The following ARHGEF40 variants were observed in gnomAD, a reference collection of about 807,000 sequenced individuals.
The protein encoded by ARHGEF40 is Rho guanine nucleotide exchange factor (GEF) 40.
Under a neutral mutation model 165.9 loss-of-function variants are expected in ARHGEF40, and 98 were observed. The ratio of observed to expected loss-of-function variants is 0.59; its 90% confidence interval spans 0.50 to 0.70. The LOEUF (loss-of-function observed/expected upper bound fraction) is 0.70, where lower values mean the gene tolerates loss of function less well. Ranked by LOEUF, ARHGEF40 falls within the 30% of genes least tolerant of loss-of-function variation. The pLI is 0.00. For synonymous variants in ARHGEF40, 792 were observed against 814.3 expected, an observed-to-expected ratio of 0.97 and a Z score of 0.47; for missense variants, 1,815 against 1,968.0, an observed-to-expected ratio of 0.92 and a Z score of 1.47.
In ARHGEF40 at chr14:21,089,686, G is replaced by A. The variant is rs1195336329; in HGVS notation, c.*678G>A. The stretch of plus-strand genomic sequence containing the variant: ...CCCCTCTACCCCTCCCAGGCCCAGA[G>A]CTAGCTGACTGTGTATGAGCCTGGG... On this transcript the variant is annotated 3_prime_UTR_variant, in exon 24 of 24. Transcript: ENST00000298694. 1 of 152,262 alleles carries A rather than the reference G, an allele frequency of 6.6e-6. No individual in the cohort carries two copies. The highest frequency in any genetic ancestry group is 1.5e-5 in the Non-Finnish European group (1 of 68,080). The allele number at this position is 152,262 out of a possible 1,614,324, so 9.4% of individuals were successfully genotyped here.
chr14:21,084,064 T>C lies in ARHGEF40; in HGVS notation c.3789+14T>C. ...CGTGGCTGTGAGGTGAGGCCCTAGCTCCAGTCACTGCTGCTCAAACTGCCC... is the reference window on the plus strand; with the variant it reads ...CGTGGCTGTGAGGTGAGGCCCTAGCCCCAGTCACTGCTGCTCAAACTGCCC... On this transcript the variant is annotated intron_variant, in intron 17 of 23. Coordinates refer to ENST00000298694, the MANE Select transcript of ARHGEF40 (RefSeq NM_018071.5). The C allele has an allele frequency of 6.3e-7, 1 of 1,590,424 alleles. No individual in the cohort carries two copies. The highest frequency in any genetic ancestry group is 8.6e-7 in the Non-Finnish European group (1 of 1,168,854).
In ARHGEF40 at chr14:21,089,203, C is replaced by T; in HGVS notation, c.*195C>T. 3.5e-6 allele frequency: 1 copy of T among 286,812 alleles called. No individual in the cohort carries two copies. Among genetic ancestry groups the T allele is most frequent in the Non-Finnish European group, 6.5e-6 (1 of 153,128 alleles). 17.8% of individuals were successfully genotyped at this position (286,812 alleles called of 1,614,324 possible). The stretch of plus-strand genomic sequence containing the variant: ...AGTCTCCCTAGCTTGGTGCCTTCTC[C>T]TGCAGGAGTCAGAGCAGCCACATTG... On this transcript the variant is annotated 3_prime_UTR_variant, in exon 24 of 24. Coordinates refer to ENST00000298694, the MANE Select transcript of ARHGEF40 (RefSeq NM_018071.5).
rs576740656 is a variant in ARHGEF40, at chr14:21,085,949, G to A, written c.4138+83G>A. Reference sequence around the variant, plus strand: ...TCTGGAGAGTGTGCGAACTGCTTGGGAAAACAGTTTATAGGATGAAGAAAG... The same window carrying A: ...TCTGGAGAGTGTGCGAACTGCTTGGAAAAACAGTTTATAGGATGAAGAAAG... On this transcript the variant is annotated intron_variant, in intron 19 of 23. Transcript: ENST00000298694. 3 of 1,461,348 alleles carry A rather than the reference G, an allele frequency of 2.1e-6. No homozygotes were observed. In the African/African-American group the frequency reaches 4.2e-5, roughly 20 times the overall value. 90.5% of individuals were successfully genotyped at this position (1,461,348 alleles called of 1,614,324 possible).
Position 21,089,156 on chromosome 14 carries a change from T to C in ARHGEF40, c.*148T>C. The C allele has an allele frequency of 2.4e-6, 1 of 408,966 alleles. No homozygotes were observed. The highest frequency in any genetic ancestry group is 4.4e-6 in the Non-Finnish European group (1 of 228,062). 25.3% of individuals were successfully genotyped at this position (408,966 alleles called of 1,614,324 possible). A position where few individuals can be genotyped will look rare whatever the true frequency, so the allele number is the denominator to read the frequency against. ...CAGAGGAGGTCTAACGACCAGAGTA[T>C]TGCCCTGCCACCACTATCTCTAGTC... On this transcript the variant is annotated 3_prime_UTR_variant, in exon 24 of 24. Coordinates refer to ENST00000298694, the MANE Select transcript of ARHGEF40 (RefSeq NM_018071.5).
upstream of ARHGEF40, among the ~76,000 whole-genome samples, chr14:21,066,048 C>T (rs556081947): frequency 6.6e-6 from 1 of 152,082 alleles, no homozygotes; most frequent in East Asian, 1.9e-4. Flanking sequence ...GCAGTGAGTC[C>T]AGATTGCAAC....
At position 21,087,310 on chromosome 14, in the gene ARHGEF40, C is replaced by A. The variant is rs752673453; in HGVS notation, c.4244-10C>A. 4.4e-6 allele frequency: 7 copies of A among 1,604,054 alleles called. No homozygotes were observed. In the South Asian group the frequency reaches 6.6e-5, roughly 15 times the overall value. On this transcript the variant is annotated splice_polypyrimidine_tract_variant and intron_variant, in intron 20 of 23. Coordinates refer to ENST00000298694, the MANE Select transcript of ARHGEF40 (RefSeq NM_018071.5). The stretch of plus-strand genomic sequence containing the variant: ...CCAGCACCCCACCCCCCACTCCCCA[C>A]TCTCTGCAGCCGCCCGCACCCGGGC...
At position 21,075,834 on chromosome 14, in the gene ARHGEF40, T is replaced by C. The variant is rs181747941; in HGVS notation, c.1739+69T>C. 1.5e-4 allele frequency: 228 copies of C among 1,561,178 alleles called. No individual in the cohort carries two copies. The African/African-American group carries it at 2.6e-3, about 18-fold the overall frequency. On this transcript the variant is annotated intron_variant, in intron 5 of 23. Coordinates refer to ENST00000298694, the MANE Select transcript of ARHGEF40 (RefSeq NM_018071.5). This position sits in a 1 kb window ranked among gnomAD's most constrained non-coding sequence, Gnocchi z 4.5. ...ATTCATGAGGACCCTCACCTCCTTCTTCTCAGGACACTGACCTTCTGACCT... is the reference window on the plus strand; with the variant it reads ...ATTCATGAGGACCCTCACCTCCTTCCTCTCAGGACACTGACCTTCTGACCT...
rs199805889 is a variant in ARHGEF40 at position 21,083,964 on chromosome 14, G to T, written c.3703G>T (p.Ala1235Ser). 5 of 1,613,830 alleles carry T rather than the reference G, an allele frequency of 3.1e-6. No individual in the cohort carries two copies. The highest frequency in any genetic ancestry group is 3.3e-5 in the Admixed American group (2 of 60,008). The part of the protein sequence containing the change: ...AGPELSSECR[A>S]LGAAVQLLRE... ...GCCTGAGCTCAGTTCTGAGTGCCGG[G>T]CCCTTGGGGCTGCTGTACAGCTGCT... The change falls in exon 17 of 24, where the codon GCC becomes TCC. Residue 1235 changes from alanine to serine, a missense_variant. Ala to Ser is a moderately conservative substitution (Grantham distance 99). Coordinates refer to ENST00000298694, the MANE Select transcript of ARHGEF40 (RefSeq NM_018071.5).
At position 21,076,652 on chromosome 14, in the gene ARHGEF40, C is replaced by G. The variant is rs750712739; in HGVS notation, c.1917+9C>G. 3.1e-6 allele frequency: 5 copies of G among 1,612,286 alleles called. No individual in the cohort carries two copies. In the Admixed American group the frequency reaches 8.4e-5, roughly 27 times the overall value. On this transcript the variant is annotated intron_variant, in intron 7 of 23. Transcript: ENST00000298694. ...AACTCTGTGGATTTCAGGTTTGAGCCCTTCATTCCCATCTAGTTTCCCATC... is the reference window on the plus strand; with the variant it reads ...AACTCTGTGGATTTCAGGTTTGAGCGCTTCATTCCCATCTAGTTTCCCATC...
chr14:21,070,934 G>A lies in ARHGEF40; in HGVS notation c.3+535G>A. ...AGCTGTGGCTGGGCCGGGTCCCGGGGCATGGCCAAAGAGGGAAATTCCCGC... is the reference window on the plus strand; with the variant it reads ...AGCTGTGGCTGGGCCGGGTCCCGGGACATGGCCAAAGAGGGAAATTCCCGC... On this transcript the variant is annotated intron_variant, in intron 1 of 23. Transcript: ENST00000298694. The surrounding 1 kb of genome is among the most constrained non-coding windows in gnomAD (Gnocchi z 4.7). 2 of 1,408,430 alleles carry A rather than the reference G, an allele frequency of 1.4e-6. No individual in the cohort carries two copies. The highest frequency in any genetic ancestry group is 1.9e-6 in the Non-Finnish European group (2 of 1,033,120). The allele number at this position is 1,408,430 out of a possible 1,614,324, so 87.2% of individuals were successfully genotyped here. A position where few individuals can be genotyped will look rare whatever the true frequency, so the allele number is the denominator to read the frequency against.
rs1341244681 is a variant in ARHGEF40, at chr14:21,078,460, A to G, written c.2218A>G (p.Met740Val). ...GCAGAGGGATGGGGGGGCCATCCTG[A>G]TGAGGCTGCGCTCCACTCCCAGCAG... ...ALQRDGGAIL[M>V]RLRSTPSSKL... The change falls in exon 10 of 24, where the codon ATG becomes GTG. Residue 740 changes from methionine (M) to valine (V), a missense_variant. Physicochemically the swap from Met to Val is conservative, Grantham distance 21 (BLOSUM62 1). Coordinates refer to ENST00000298694, the MANE Select transcript of ARHGEF40 (RefSeq NM_018071.5). 2.5e-6 allele frequency: 4 copies of G among 1,606,696 alleles called. No homozygotes were observed. Among genetic ancestry groups the G allele is most frequent in the East Asian group, 2.2e-5 (1 of 44,798 alleles).
intron 10 of ARHGEF40, among the ~76,000 whole-genome samples, 156 bp from the exon 11 acceptor site, chr14:21,078,728 A>G (rs1887634433): frequency 6.6e-6 from 1 of 152,230 alleles, no homozygotes; most frequent in Non-Finnish European, 1.5e-5. Context: ...GTCAGTAAAG[A>G]GTCAGGATTC....
In ARHGEF40 at chr14:21,078,308, T is replaced by A. The variant is rs763320142; in HGVS notation, c.2130+36T>A. The A allele has an allele frequency of 2.5e-6, 4 of 1,607,296 alleles. No individual in the cohort carries two copies. In the South Asian group the frequency reaches 4.4e-5, roughly 18 times the overall value. ...AGATGGGACAGTGGGGGGATGGGATTGGGATGGGGCTGGGGTGGAGACTCT... is the reference window on the plus strand; with the variant it reads ...AGATGGGACAGTGGGGGGATGGGATAGGGATGGGGCTGGGGTGGAGACTCT... On this transcript the variant is annotated intron_variant, in intron 9 of 23. Coordinates refer to ENST00000298694, the MANE Select transcript of ARHGEF40 (RefSeq NM_018071.5).
chr14:21,062,940 C>G, the ARHGEF40 span, among the ~76,000 whole-genome samples: 1 of 140,180 alleles, frequency 7.1e-6, no homozygotes, highest in Middle Eastern at 3.6e-3. Context: ...ATAGTGAGAC[C>G]TTGTCTCTAA....
intron 20 of ARHGEF40, 28 bp from the exon 21 acceptor site, chr14:21,087,292 C>G: frequency 6.3e-7 from 1 of 1,598,500 alleles, no homozygotes. Context: ...ACACCAGCAC[C>G]CCACCCCCCA....
chr14:21,070,640 C>G lies in ARHGEF40; in HGVS notation c.3+241C>G, dbSNP rs1886686825. Among the ~76,000 whole-genome samples the G allele has an allele frequency of 2.0e-5, 3 of 152,088 alleles. No homozygotes were observed. Among genetic ancestry groups the G allele is most frequent in the African/African-American group, 7.2e-5 (3 of 41,422 alleles). On this transcript the variant is annotated intron_variant, in intron 1 of 23. Coordinates refer to ENST00000298694, the MANE Select transcript of ARHGEF40 (RefSeq NM_018071.5). This position sits in a 1 kb window ranked among gnomAD's most constrained non-coding sequence, Gnocchi z 4.7. Reference sequence around the variant, plus strand: ...TCTCCTCCGCCTCCTCCCCCATCCTCCCTTGGGTCTCTCCCCTAATCCACA... The same window carrying G: ...TCTCCTCCGCCTCCTCCCCCATCCTGCCTTGGGTCTCTCCCCTAATCCACA...
upstream of ARHGEF40, among the ~76,000 whole-genome samples, chr14:21,068,615 CA>C (rs774001798): frequency 9.2e-5 from 14 of 152,032 alleles, no homozygotes; most frequent in Non-Finnish European, 1.9e-4. Context: ...GAATGGACAC[CA>C]GGGGGTAGCA....
rs529035503 is a variant in ARHGEF40 at position 21,082,817 on chromosome 14, C to G, written c.3487-14C>G. ...CCTCACCGGGGACTCCTTATCTGTT[C>G]TTTACTGGCACAGGGGGACCAGTTC... On this transcript the variant is annotated splice_polypyrimidine_tract_variant and intron_variant, in intron 15 of 23. Transcript: ENST00000298694. 3.7e-6 allele frequency: 6 copies of G among 1,613,614 alleles called. No homozygotes were observed. The highest frequency in any genetic ancestry group is 5.1e-6 in the Non-Finnish European group (6 of 1,179,752).
Position 21,070,775 on chromosome 14 carries a change from G to T in ARHGEF40, c.3+376G>T. 6.5e-7 allele frequency: 1 copy of T among 1,528,718 alleles called. No individual in the cohort carries two copies. The highest frequency in any genetic ancestry group is 8.8e-7 in the Non-Finnish European group (1 of 1,141,082). The allele number at this position is 1,528,718 out of a possible 1,614,324, so 94.7% of individuals were successfully genotyped here. A position where few individuals can be genotyped will look rare whatever the true frequency, so the allele number is the denominator to read the frequency against. ...TACCCGCGGGAGACCCCTGCGGGTT[G>T]GTCCTGCAGCGACCCTGGAAGAGGC... On this transcript the variant is annotated intron_variant, in intron 1 of 23. Transcript: ENST00000298694. This position sits in a 1 kb window ranked among gnomAD's most constrained non-coding sequence, Gnocchi z 4.7.
Sources: gnomAD v4.1 joint callset for allele counts (sites outside exome capture counted in the v4.1 genomes callset) on GRCh38, gnomAD v4.1.1 for gene constraint, Gnocchi (gnomAD v3.1) non-coding constraint, MANE v1.5 for transcripts, NCBI Gene and HGNC (gene_info 2026-07-23, HGNC 2026-07-21) for gene names.